Variants in NEIL1 observed in about 807,000 individuals in gnomAD.
The protein encoded by NEIL1 is nei like DNA glycosylase 1.
In NEIL1, 31 loss-of-function variants were observed where a neutral mutation model predicts 44.2. The observed-to-expected ratio is 0.70, with a 90% CI of 0.53 to 0.95. The LOEUF is 0.95. Ranked by LOEUF, NEIL1 falls within the 40% of genes least tolerant of loss-of-function variation. NEIL1 has a pLI of 0.00. For synonymous variants in NEIL1, 254 were observed against 209.7 expected (o/e 1.21, Z -1.83); for missense variants, 549 against 515.5 (o/e 1.07, Z -0.63).
rs1379994059 is a variant in NEIL1 at position 75,354,452 on chromosome 15, A to G, written c.896A>G (p.Lys299Arg). The G allele has an allele frequency of 6.2e-7, 1 of 1,614,176 alleles. No homozygotes were observed. The highest frequency in any genetic ancestry group is 8.5e-7 in the Non-Finnish European group (1 of 1,180,018). The change falls in exon 8 of 10, where the codon AAA becomes AGA. Residue 299 changes from lysine (K) to arginine (R), a missense_variant. Physicochemically the swap from Lys to Arg is conservative, Grantham distance 26. Coordinates refer to ENST00000355059, the MANE Select transcript of NEIL1 (RefSeq NM_024608.4). ...GCAGGGCGCAAGTCCCGCAAAAAGA[A>G]ATCCAAGGCCACACAGCTGAGTCCT... ...APKGRKSRKK[K>R]SKATQLSPED... is the part of the protein sequence containing the mutation.
chr15:75,348,447 C>G (rs73436822), intron 1 of NEIL1: 100 of 1,019,234 alleles, frequency 9.8e-5, no homozygotes, highest in Admixed American at 5.1e-4. Context: ...GAGAAAGAGA[C>G]AGCGTGTGCG....
At position 75,349,292 on chromosome 15, in the gene NEIL1, G is replaced by T; in HGVS notation, c.387G>T (p.Trp129Cys). 6.2e-7 allele frequency: 1 copy of T among 1,611,120 alleles called. No individual in the cohort carries two copies. Among genetic ancestry groups the T allele is most frequent in the Non-Finnish European group, 8.5e-7 (1 of 1,179,326 alleles). ...GCCGCTGGGACCTTGGGGGAAAGTGGCAGCCGGGCCGCGGGCCCTGTGTCT... is the reference window on the plus strand; with the variant it reads ...GCCGCTGGGACCTTGGGGGAAAGTGTCAGCCGGGCCGCGGGCCCTGTGTCT... ...RFGRWDLGGK[W>C]QPGRGPCVLQ... The change falls in exon 2 of 10, where the codon TGG (tryptophan) becomes TGT (cysteine). Residue 129 changes from tryptophan (W) to cysteine (C), a missense_variant. By Grantham distance (215) the Trp-to-Cys change is radical. Coordinates refer to ENST00000355059, the MANE Select transcript of NEIL1 (RefSeq NM_024608.4).
At chr15:75,348,299 C>G (rs1165043415) in intron 1 of NEIL1, 1 of 985,134 alleles carries the variant, frequency 1.0e-6, no homozygotes, top group Non-Finnish European at 1.2e-6. Flanking sequence ...CCGCCGCTCC[C>G]CCGCGCCAGG....
chr15:75,352,898 G>A (rs755253414), intron 5 of NEIL1, 197 bp downstream of exon 5: 11 of 543,652 alleles, frequency 2.0e-5, no homozygotes, highest in Non-Finnish European at 3.0e-5. Context: ...CCAGCACTTC[G>A]GGAGGCCGAG....
In NEIL1 at chr15:75,356,403, G is replaced by T. The variant is rs1452739214; in HGVS notation, c.*1369G>T. ...GGGCTGGCAGAGCCAACAGGGGGAA[G>T]TTTAGGCTGTAGGCAGCTTGGATAA... On this transcript the variant is annotated 3_prime_UTR_variant, in exon 10 of 10. Transcript: ENST00000355059. The surrounding 1 kb of genome is among the most constrained non-coding windows in gnomAD (Gnocchi z 5.8). 3 of 1,610,294 alleles carry T rather than the reference G, an allele frequency of 1.9e-6. No homozygotes were observed. Among genetic ancestry groups the T allele is most frequent in the East Asian group, 2.2e-5 (1 of 44,800 alleles).
chr15:75,352,482 C>T (rs2071994112), intron 4 of NEIL1, 95 bp downstream of exon 4: 12 of 1,562,740 alleles, frequency 7.7e-6, no homozygotes, highest in Admixed American at 5.1e-5. Flanking sequence ...CCCAGCTTAG[C>T]TCAACAACAG....
At chr15:75,348,038 A>G in intron 1 of NEIL1, 5 of 1,132,446 alleles carry the variant, frequency 4.4e-6, no homozygotes, top group Non-Finnish European at 5.6e-6. Flanking sequence ...TGAGGAGTCG[A>G]TACCCCCCAC....
intron 2 of NEIL1, chr15:75,349,582 G>A (rs779143667): frequency 1.5e-4 from 81 of 525,894 alleles, no homozygotes; most frequent in Non-Finnish European, 2.5e-4. Context: ...TTGGGAAGCC[G>A]AGGCGGGCAG....
At chr15:75,349,549 T>C (rs1237686851) in intron 2 of NEIL1, 12 of 587,478 alleles carry the variant, frequency 2.0e-5, no homozygotes, top group Non-Finnish European at 3.3e-5. Flanking sequence ...GTGTGGTGGC[T>C]CAAGTCTGTA....
rs1249752444 is a variant in NEIL1, at chr15:75,357,074, T to C, written c.*2040T>C. 4 of 601,296 alleles carry C rather than the reference T, an allele frequency of 6.7e-6. No homozygotes were observed. The highest frequency in any genetic ancestry group is 1.2e-5 in the Non-Finnish European group (4 of 335,816). 37.2% of individuals were successfully genotyped at this position (601,296 alleles called of 1,614,324 possible). ...CACCCAACCTGCCTAAGCCTCAGTT[T>C]CCTTATCTGTGAAACGGGAATAAAT... is the stretch of plus-strand genomic sequence containing the variant. On this transcript the variant is annotated 3_prime_UTR_variant, in exon 10 of 10. Transcript: ENST00000355059.
intron 2 of NEIL1, among the ~76,000 whole-genome samples, chr15:75,350,726 C>T (rs991469966): frequency 6.6e-6 from 1 of 152,158 alleles, no homozygotes; most frequent in African/African-American, 2.4e-5. Flanking sequence ...GGATTCCTCC[C>T]ACCTCAGCCT....
chr15:75,356,363 C>G lies in NEIL1; in HGVS notation c.*1329C>G, dbSNP rs1428060631. ...ACGGAAAACGCACTCCAGGAGGTGG[C>G]GGGCGCTGGGCTGGGGGCTGGCAGA... is the stretch of plus-strand genomic sequence containing the variant. On this transcript the variant is annotated 3_prime_UTR_variant, in exon 10 of 10. Coordinates refer to ENST00000355059, the MANE Select transcript of NEIL1 (RefSeq NM_024608.4). The surrounding 1 kb of genome is among the most constrained non-coding windows in gnomAD (Gnocchi z 5.8). 6.2e-7 allele frequency: 1 copy of G among 1,611,536 alleles called. No homozygotes were observed. The highest frequency in any genetic ancestry group is 8.5e-7 in the Non-Finnish European group (1 of 1,179,104).
At position 75,356,905 on chromosome 15, in the gene NEIL1, G is replaced by A; in HGVS notation, c.*1871G>A. Reference sequence around the variant, plus strand: ...TCCATCCAGCGATGGGCCCACACCTGGAGGGCAGATCCAAGACCCACTTGG... The same window carrying A: ...TCCATCCAGCGATGGGCCCACACCTAGAGGGCAGATCCAAGACCCACTTGG... On this transcript the variant is annotated 3_prime_UTR_variant, in exon 10 of 10. Transcript: ENST00000355059. The surrounding 1 kb of genome is among the most constrained non-coding windows in gnomAD (Gnocchi z 5.8). 1 of 1,613,298 alleles carries A rather than the reference G, an allele frequency of 6.2e-7. No individual in the cohort carries two copies. The highest frequency in any genetic ancestry group is 8.5e-7 in the Non-Finnish European group (1 of 1,179,386).
rs770462466 is a variant in NEIL1, at chr15:75,352,246, T to C, written c.554+16T>C. 2 of 1,614,180 alleles carry C rather than the reference T, an allele frequency of 1.2e-6. No homozygotes were observed. The highest frequency in any genetic ancestry group is 1.7e-6 in the Non-Finnish European group (2 of 1,180,026). Reference sequence around the variant, plus strand: ...TCCTGTACCGGTCAGCAAGCAGGCATGGGCATGGGGACTGCGGTGGGCCAG... The same window carrying C: ...TCCTGTACCGGTCAGCAAGCAGGCACGGGCATGGGGACTGCGGTGGGCCAG... On this transcript the variant is annotated intron_variant, in intron 3 of 9. Coordinates refer to ENST00000355059, the MANE Select transcript of NEIL1 (RefSeq NM_024608.4).
At position 75,355,137 on chromosome 15, in the gene NEIL1, C is replaced by T. The variant is rs2072253297; in HGVS notation, c.*103C>T. 1.1e-6 allele frequency: 1 copy of T among 913,820 alleles called. No individual in the cohort carries two copies. The highest frequency in any genetic ancestry group is 2.6e-5 in the East Asian group (1 of 37,896). 56.6% of individuals were successfully genotyped at this position (913,820 alleles called of 1,614,324 possible). The stretch of plus-strand genomic sequence containing the variant: ...GGCAATATCTGAAGGTGCAAACAGG[C>T]CCTACGGCTGTTCCCTGCACAACTC... On this transcript the variant is annotated 3_prime_UTR_variant, in exon 10 of 10. Transcript: ENST00000355059.
rs1266055702 is a variant in NEIL1 at position 75,357,033 on chromosome 15, G to A, written c.*1999G>A. ...AACTGAACTCCAGCTCCCACTGTACGGGGCCCTGGGCATGCCACCCAACCT... is the reference window on the plus strand; with the variant it reads ...AACTGAACTCCAGCTCCCACTGTACAGGGCCCTGGGCATGCCACCCAACCT... On this transcript the variant is annotated 3_prime_UTR_variant, in exon 10 of 10. Transcript: ENST00000355059. 5.8e-5 allele frequency: 41 copies of A among 706,848 alleles called. No homozygotes were observed. The highest frequency in any genetic ancestry group is 3.4e-4 in the Admixed American group (13 of 38,712). The allele number at this position is 706,848 out of a possible 1,614,324, so 43.8% of individuals were successfully genotyped here.
chr15:75,352,841 T>C, intron 5 of NEIL1, 140 bp downstream of exon 5: 1 of 689,344 alleles, frequency 1.5e-6, no homozygotes, highest in Non-Finnish European at 2.5e-6. Flanking sequence ...CCTCCTCACT[T>C]GTCAATAGTG....
In NEIL1 at chr15:75,356,314, T is replaced by C; in HGVS notation, c.*1280T>C. 1 of 1,611,512 alleles carries C rather than the reference T, an allele frequency of 6.2e-7. No homozygotes were observed. Among genetic ancestry groups the C allele is most frequent in the East Asian group, 2.2e-5 (1 of 44,738 alleles). ...CCCACCCCTTGCCTGCTTGACGGTC[T>C]CCAATACGACCGCGGGTGAAGACAC... On this transcript the variant is annotated 3_prime_UTR_variant, in exon 10 of 10. Coordinates refer to ENST00000355059, the MANE Select transcript of NEIL1 (RefSeq NM_024608.4). This position sits in a 1 kb window ranked among gnomAD's most constrained non-coding sequence, Gnocchi z 5.8.
At position 75,351,212 on chromosome 15, in the gene NEIL1, G is replaced by C. The variant is rs921436173; in HGVS notation, c.435-899G>C. The C allele has an allele frequency of 4.0e-5, 18 of 448,894 alleles. No individual in the cohort carries two copies. The Admixed American group carries it at 4.4e-4, about 11-fold the overall frequency. The allele number at this position is 448,894 out of a possible 1,614,324, so 27.8% of individuals were successfully genotyped here. A position where few individuals can be genotyped will look rare whatever the true frequency, so the allele number is the denominator to read the frequency against. Reference sequence around the variant, plus strand: ...ACACTTGAGGTCCTGTGGCCACACTGTTCTCATGTCCTGAGGAGTCTGAGG... The same window carrying C: ...ACACTTGAGGTCCTGTGGCCACACTCTTCTCATGTCCTGAGGAGTCTGAGG... On this transcript the variant is annotated intron_variant, in intron 2 of 9. Coordinates refer to ENST00000355059, the MANE Select transcript of NEIL1 (RefSeq NM_024608.4).
Sources: allele counts gnomAD v4.1 joint callset (sites outside exome capture counted in the v4.1 genomes callset), GRCh38; gene constraint gnomAD v4.1.1; non-coding constraint Gnocchi (gnomAD v3.1); transcripts MANE v1.5; gene names NCBI Gene and HGNC (gene_info 2026-07-23, HGNC 2026-07-21).